MSLN: variants seen among roughly 807,000 people sequenced by gnomAD.
MSLN encodes the protein mesothelin.
Under a neutral mutation model 72.6 loss-of-function variants are expected in MSLN, and 82 were observed. The observed-to-expected ratio is 1.13, with a 90% CI of 0.94 to 1.36. The LOEUF is 1.36. Among genes scored for constraint, MSLN ranks in the 40% most tolerant of loss-of-function variants. The probability of loss-of-function intolerance (pLI) is 0.00; values close to 1 mark genes in which losing one functional copy is unlikely to be tolerated. For missense variants in MSLN, 1,005 were observed against 847.9 expected, an observed-to-expected ratio of 1.19 and a Z score of -2.30; for synonymous variants, 456 against 387.3, an observed-to-expected ratio of 1.18 and a Z score of -2.08.
chr16:763,225 C>T lies in MSLN; in HGVS notation c.86-8C>T, dbSNP rs1026659972. 6.5e-6 allele frequency: 10 copies of T among 1,538,368 alleles called. No homozygotes were observed. The African/African-American group carries it at 1.4e-4, about 21-fold the overall frequency. ...CCCTCCCCCAAGCTGTCCCCTCTGC[C>T]CCTTTAGGATGGGTGCAGCCCTCGA... On this transcript the variant is annotated splice_region_variant and splice_polypyrimidine_tract_variant and intron_variant, in intron 3 of 17. Coordinates refer to ENST00000545450, the MANE Select transcript of MSLN (RefSeq NM_005823.6).
intron 2 of MSLN, among the ~76,000 whole-genome samples, chr16:761,475 C>T (rs900090381): frequency 1.1e-4 from 17 of 152,218 alleles, no homozygotes; most frequent in Non-Finnish European, 7.3e-5. Flanking sequence ...GCCGGGCTCT[C>T]GGGGAGCCCC....
In MSLN at chr16:768,751, T is replaced by C. The variant is rs1463281001; in HGVS notation, c.*18T>C. On this transcript the variant is annotated 3_prime_UTR_variant, in exon 18 of 18. Transcript: ENST00000545450. ...TGGCCTGAGGGCCCCACTCCCTTGCTGGCCCCAGCCCTGCTGGGGATCCCC... is the reference window on the plus strand; with the variant it reads ...TGGCCTGAGGGCCCCACTCCCTTGCCGGCCCCAGCCCTGCTGGGGATCCCC... The C allele has an allele frequency of 6.2e-7, 1 of 1,608,686 alleles. No individual in the cohort carries two copies. The highest frequency in any genetic ancestry group is 1.1e-5 in the South Asian group (1 of 91,052).
rs2041624020 is a variant in MSLN, at chr16:767,006, T to G, written c.1495T>G (p.Phe499Val). Residue 499 changes from phenylalanine to valine, a missense_variant, in exon 15 of 18, where the codon TTC becomes GTC. Phe to Val is a conservative substitution (Grantham distance 50, BLOSUM62 -1). Transcript: ENST00000545450. ...GSEYFVKIQSFLGGAPTEDLK... is the reference protein window; with the variant it reads ...GSEYFVKIQSVLGGAPTEDLK... Reference sequence around the variant, plus strand: ...CGAATACTTCGTGAAGATCCAGTCCTTCCTGGGTGAGCCAGGGAGTCCCTG... The same window carrying G: ...CGAATACTTCGTGAAGATCCAGTCCGTCCTGGGTGAGCCAGGGAGTCCCTG... The G allele has an allele frequency of 1.2e-6, 2 of 1,612,422 alleles. No homozygotes were observed. Among genetic ancestry groups the G allele is most frequent in the African/African-American group, 1.3e-5 (1 of 74,888 alleles).
chr16:763,441 C>T (rs1376943521), intron 4 of MSLN, among the ~76,000 whole-genome samples, 165 bp downstream of exon 4: 2 of 152,140 alleles, frequency 1.3e-5, no homozygotes, highest in Non-Finnish European at 2.9e-5. Flanking sequence ...GCAGCCAGGT[C>T]CAGGGAGCGG....
Position 768,697 on chromosome 16 carries a change from C to T in MSLN, c.1833C>T (p.Thr611=), listed in dbSNP as rs548376307. 23 of 1,611,052 alleles carry T rather than the reference C, an allele frequency of 1.4e-5. 1 individual carries two copies. Among genetic ancestry groups the T allele is most frequent in the Middle Eastern group, 1.7e-4 (1 of 6,056 alleles). The change falls in exon 18 of 18, where the codon ACC becomes ACT. Residue 611 remains threonine (T), a synonymous_variant. Transcript: ENST00000545450. ...PCLLGPGPVL[T]VLALLLASTL... is the part of the protein sequence containing the mutation. ...TCCTAGGACCTGGACCTGTTCTCAC[C>T]GTCCTGGCACTGCTCCTAGCCTCCA...
Position 765,743 on chromosome 16 carries a change from A to G in MSLN, c.848A>G (p.Gln283Arg), listed in dbSNP as rs765749669. The change falls in exon 11 of 18, where the codon CAG (glutamine) becomes CGG (arginine). Residue 283 changes from glutamine to arginine, a missense_variant. By Grantham distance (43) the Gln-to-Arg change is conservative. Coordinates refer to ENST00000545450, the MANE Select transcript of MSLN (RefSeq NM_005823.6). ...TCCTCTCGGGACCCATCCTGGCGGC[A>G]GCCTGAACGGACCATCCTCCGGCCG... The part of the protein sequence containing the change: ...QRSSRDPSWR[Q>R]PERTILRPRF... 1 of 1,600,784 alleles carries G rather than the reference A, an allele frequency of 6.2e-7. No homozygotes were observed. The highest frequency in any genetic ancestry group is 8.5e-7 in the Non-Finnish European group (1 of 1,179,678).
rs199579302 is a variant in MSLN, at chr16:764,607, C to T, written c.301-40C>T. On this transcript the variant is annotated intron_variant, in intron 6 of 17. Coordinates refer to ENST00000545450, the MANE Select transcript of MSLN (RefSeq NM_005823.6). The stretch of plus-strand genomic sequence containing the variant: ...CGACCCTGGCCCACCATGTGAGTGG[C>T]GGCTCGAAACGCTCTGTGCTGGACT... 1,575 of 1,558,220 alleles carry T rather than the reference C, an allele frequency of 1.0e-3. 3 individuals are homozygous for T. The highest frequency in any genetic ancestry group is 1.0e-3 in the Non-Finnish European group (1,184 of 1,130,788).
Position 765,313 on chromosome 16 carries a change from G to T in MSLN, c.704+10G>T. ...GGGGACCCCCCTACGGGTAAGTGAA[G>T]GTGTCTGGAACCTCGAAGGCTCACC... On this transcript the variant is annotated intron_variant, in intron 9 of 17. Transcript: ENST00000545450. The T allele has an allele frequency of 1.3e-6, 2 of 1,558,106 alleles. No individual in the cohort carries two copies.
At position 768,361 on chromosome 16, in the gene MSLN, G is replaced by T. The variant is rs1193078795; in HGVS notation, c.1597-18G>T. ...GGGAAGGAGACCCTCCTTGATGGCT[G>T]CCCGGGGTCTCTGGCAGCCGTTGAC... On this transcript the variant is annotated intron_variant, in intron 16 of 17. Transcript: ENST00000545450. 1 of 1,501,422 alleles carries T rather than the reference G, an allele frequency of 6.7e-7. No homozygotes were observed. Among genetic ancestry groups the T allele is most frequent in the African/African-American group, 1.4e-5 (1 of 71,424 alleles). 93.0% of individuals were successfully genotyped at this position (1,501,422 alleles called of 1,614,324 possible). A position where few individuals can be genotyped will look rare whatever the true frequency, so the allele number is the denominator to read the frequency against.
intron 2 of MSLN, among the ~76,000 whole-genome samples, chr16:761,724 C>G (rs1036992725): frequency 6.6e-6 from 1 of 152,202 alleles, no homozygotes; most frequent in African/African-American, 2.4e-5. Flanking sequence ...AGTCTGTCAC[C>G]CGGAGGCTGT....
In MSLN at chr16:768,555, C is replaced by T. The variant is rs2272905; in HGVS notation, c.1773C>T (p.Leu591=). 0.014 allele frequency: 22,341 copies of T among 1,607,254 alleles called. 1,160 individuals carry two copies. The highest frequency in any genetic ancestry group is 0.13 in the South Asian group (11,950 of 90,540). The change falls in exon 17 of 18, where the codon CTC becomes CTT. Residue 591 remains leucine, a synonymous_variant. Transcript: ENST00000545450. ...GIPNGYLVLD[L]SMQEALSGTP... Reference sequence around the variant, plus strand: ...CCAACGGCTACCTGGTCCTAGACCTCAGCATGCAAGGTGGGCGGGGCGGCC... The same window carrying T: ...CCAACGGCTACCTGGTCCTAGACCTTAGCATGCAAGGTGGGCGGGGCGGCC...
intron 13 of MSLN, 50 bp from the exon 14 acceptor site, chr16:766,618 A>T: frequency 6.2e-7 from 1 of 1,611,108 alleles, no homozygotes; most frequent in South Asian, 1.1e-5. Flanking sequence ...CTGGTGGTGG[A>T]GGGATACATC....
intron 5 of MSLN, 127 bp downstream of exon 5, chr16:763,818 C>T (rs1157645775): frequency 1.3e-6 from 1 of 772,364 alleles, no homozygotes; most frequent in Non-Finnish European, 2.1e-6. Context: ...TCAGATCTGA[C>T]TGGGCTCAGG....
rs371641206 is a variant in MSLN at position 768,476 on chromosome 16, G to A, written c.1694G>A (p.Arg565Gln). ...RHRPVRDWIL[R>Q]QRQDDLDTLG... ...CGCCCGGTGCGGGACTGGATCCTAC[G>A]GCAGCGGCAGGACGACCTGGACACG... The change falls in exon 17 of 18, where the codon CGG becomes CAG. Residue 565 changes from arginine (R) to glutamine (Q), a missense_variant. Transcript: ENST00000545450. The A allele has an allele frequency of 3.7e-4, 581 of 1,570,874 alleles. 1 individual carries two copies. The highest frequency in any genetic ancestry group is 6.5e-4 in the Admixed American group (37 of 56,996).
Position 766,043 on chromosome 16 carries a change from C to CCCCTGTG in MSLN, c.896-10_896-4dup. ...AACGAACTCCGGCCCTGACCCCTGA[C>CCCCTGTG]CCCTGTGCCCTGCAGAGACAGCCTG... On this transcript the variant is annotated splice_polypyrimidine_tract_variant and intron_variant, in intron 11 of 17. Coordinates refer to ENST00000545450, the MANE Select transcript of MSLN (RefSeq NM_005823.6). 1 of 1,597,558 alleles carries CCCCTGTG rather than the reference C, an allele frequency of 6.3e-7. No individual in the cohort carries two copies. The highest frequency in any genetic ancestry group is 8.5e-7 in the Non-Finnish European group (1 of 1,171,138).
rs549742996 is a variant in MSLN, at chr16:765,323, A to G, written c.704+20A>G. The G allele has an allele frequency of 4.5e-6, 7 of 1,543,348 alleles. No individual in the cohort carries two copies. In the South Asian group the frequency reaches 7.0e-5, roughly 15 times the overall value. On this transcript the variant is annotated intron_variant, in intron 9 of 17. Coordinates refer to ENST00000545450, the MANE Select transcript of MSLN (RefSeq NM_005823.6). ...CTACGGGTAAGTGAAGGTGTCTGGAACCTCGAAGGCTCACCTGGCGGCGTG... is the reference window on the plus strand; with the variant it reads ...CTACGGGTAAGTGAAGGTGTCTGGAGCCTCGAAGGCTCACCTGGCGGCGTG...
In MSLN at chr16:768,764, G is replaced by T. The variant is rs1381390744; in HGVS notation, c.*31G>T. On this transcript the variant is annotated 3_prime_UTR_variant, in exon 18 of 18. Transcript: ENST00000545450. ...CCACTCCCTTGCTGGCCCCAGCCCT[G>T]CTGGGGATCCCCGCCTGGCCAGGAG... 2 of 1,604,312 alleles carry T rather than the reference G, an allele frequency of 1.2e-6. No homozygotes were observed. The highest frequency in any genetic ancestry group is 1.3e-5 in the African/African-American group (1 of 74,846).
chr16:761,949 G>A (rs893370857), intron 2 of MSLN, among the ~76,000 whole-genome samples: 1 of 152,186 alleles, frequency 6.6e-6, no homozygotes, highest in African/African-American at 2.4e-5. Flanking sequence ...TCTTCTGCGA[G>A]CCCCACCCCT....
rs2041531085 is a variant in MSLN, at chr16:761,108, C to A, written c.-76C>A. The A allele has an allele frequency of 6.6e-6, 1 of 152,452 alleles. No homozygotes were observed. The highest frequency in any genetic ancestry group is 6.5e-5 in the Admixed American group (1 of 15,294). 9.4% of individuals were successfully genotyped at this position (152,452 alleles called of 1,614,324 possible). A position where few individuals can be genotyped will look rare whatever the true frequency, so the allele number is the denominator to read the frequency against. ...TCCTCTTTCTGCCTGGCCGGCCACT[C>A]CCGTCTGCTGTGACGCGCGGACAGA... is the stretch of plus-strand genomic sequence containing the variant. On this transcript the variant is annotated 5_prime_UTR_variant, in exon 2 of 18. Transcript: ENST00000545450.
Sources: allele counts gnomAD v4.1 joint callset (sites outside exome capture counted in the v4.1 genomes callset), GRCh38; gene constraint gnomAD v4.1.1; transcripts MANE v1.5; gene names NCBI Gene and HGNC (gene_info 2026-07-23, HGNC 2026-07-21).